ABLIM1: variants seen among roughly 807,000 people sequenced by gnomAD.
ABLIM1 encodes the protein actin binding LIM protein 1, also known as actin-binding LIM protein 1.
ABLIM1 carries 40 observed loss-of-function variants against 107.0 expected under a neutral mutation model. The ratio of observed to expected loss-of-function variants is 0.37; its 90% CI spans 0.29 to 0.49. The LOEUF (loss-of-function observed/expected upper bound fraction) is 0.49, where lower values mean the gene tolerates loss of function less well. Among genes scored for constraint, ABLIM1 ranks in the 20% least tolerant of loss-of-function variants. The probability of loss-of-function intolerance (pLI) is 0.97; values close to 1 mark genes in which losing one functional copy is unlikely to be tolerated. For missense variants in ABLIM1, 857 were observed against 1,008.5 expected (o/e 0.85, Z 2.04); for synonymous variants, 357 against 357.3 (o/e 1.00, Z 0.01).
At chr10:114,790,410 C>T in the ABLIM1 span, among the ~76,000 whole-genome samples, 1 of 151,726 alleles carries the variant, frequency 6.6e-6, no homozygotes, top group African/African-American at 2.4e-5. Flanking sequence ...AATTGTATTT[C>T]CTGTTTACTT....
intron 1 of ABLIM1, among the ~76,000 whole-genome samples, chr10:114,743,050 T>G (rs949566026): frequency 2.6e-5 from 4 of 152,246 alleles, no homozygotes; most frequent in Admixed American, 2.0e-4. Flanking sequence ...GTTTTTGTAA[T>G]TATTACCATT....
At chr10:114,699,619 T>G (rs576127507) in intron 1 of ABLIM1, among the ~76,000 whole-genome samples, 1 of 152,248 alleles carries the variant, frequency 6.6e-6, no homozygotes, top group African/African-American at 2.4e-5. Context: ...AAAATAGCAG[T>G]ATATTATTTA....
At chr10:114,760,064 T>C (rs533530696) in intron 1 of ABLIM1, among the ~76,000 whole-genome samples, 49 of 152,260 alleles carry the variant, frequency 3.2e-4, no homozygotes, top group African/African-American at 1.0e-3. Context: ...GCTCAATAAC[T>C]ATTTGTTAAA....
At chr10:114,711,941 G>T (rs993066674) in intron 1 of ABLIM1, among the ~76,000 whole-genome samples, 5 of 152,184 alleles carry the variant, frequency 3.3e-5, no homozygotes, top group African/African-American at 1.2e-4. Context: ...ATCGGGGTTA[G>T]TCTCTAGGAG....
At chr10:114,743,615 T>A (rs2082328040) in intron 1 of ABLIM1, among the ~76,000 whole-genome samples, 1 of 152,216 alleles carries the variant, frequency 6.6e-6, no homozygotes, top group African/African-American at 2.4e-5. Flanking sequence ...AAAAATCAAA[T>A]CATTCCTCTT....
intron 2 of ABLIM1, among the ~76,000 whole-genome samples, chr10:114,584,885 A>G (rs971129277): frequency 3.9e-5 from 6 of 152,194 alleles, no homozygotes; most frequent in African/African-American, 7.2e-5. Flanking sequence ...TATTAATAAA[A>G]TCTTTGACTG....
intron 1 of ABLIM1, among the ~76,000 whole-genome samples, chr10:114,712,356 A>G (rs1314065870): frequency 2.7e-5 from 3 of 111,202 alleles, no homozygotes; most frequent in African/African-American, 7.0e-5. Context: ...CCGTCTCGAA[A>G]AAAAAAAAAA....
At chr10:114,754,330 C>T (rs1024615364) in intron 1 of ABLIM1, among the ~76,000 whole-genome samples, 5 of 152,220 alleles carry the variant, frequency 3.3e-5, no homozygotes, top group Non-Finnish European at 5.9e-5. Flanking sequence ...TAGATGGCAA[C>T]GTTTCTCCTC....
At chr10:114,560,207 C>T (rs1190524199) in intron 4 of ABLIM1, among the ~76,000 whole-genome samples, 2 of 152,206 alleles carry the variant, frequency 1.3e-5, no homozygotes, top group Non-Finnish European at 1.5e-5. Context: ...ATGTTCATTG[C>T]AGAGCTATTC....
At chr10:114,474,272 A>G (rs1354278088) in intron 8 of ABLIM1, among the ~76,000 whole-genome samples, 4 of 151,858 alleles carry the variant, frequency 2.6e-5, no homozygotes, top group Non-Finnish European at 5.9e-5. Flanking sequence ...TCCCAGCCCC[A>G]GTCACCACCT....
chr10:114,652,078 A>C (rs1245687944), intron 1 of ABLIM1, among the ~76,000 whole-genome samples: 9 of 152,138 alleles, frequency 5.9e-5, no homozygotes, highest in African/African-American at 2.2e-4. Flanking sequence ...TAGCTCAAAC[A>C]CTTCTCTCAA....
chr10:114,612,968 C>A (rs1018000047), intron 1 of ABLIM1, among the ~76,000 whole-genome samples: 2 of 152,124 alleles, frequency 1.3e-5, no homozygotes, highest in Admixed American at 6.6e-5. Context: ...AACCAAAAAC[C>A]AAAGAACTAA....
intron 4 of ABLIM1, among the ~76,000 whole-genome samples, chr10:114,567,068 T>C (rs2070856214): frequency 6.6e-6 from 1 of 152,118 alleles, no homozygotes; most frequent in South Asian, 2.1e-4. Flanking sequence ...AACTGTCTGG[T>C]GGTTTCCATT....
intron 2 of ABLIM1, among the ~76,000 whole-genome samples, chr10:114,595,764 A>G (rs958773096): frequency 3.3e-5 from 5 of 152,216 alleles, no homozygotes; most frequent in African/African-American, 1.2e-4. Flanking sequence ...ACAAATGGGA[A>G]TTAGGTTCTC....
intron 1 of ABLIM1, among the ~76,000 whole-genome samples, chr10:114,725,341 C>T (rs2081933758): frequency 6.6e-6 from 1 of 152,108 alleles, no homozygotes; most frequent in South Asian, 2.1e-4. Flanking sequence ...ATCCTAGAAA[C>T]ACTGAAATAT....
At chr10:114,691,418 G>T (rs1417845481) in intron 1 of ABLIM1, among the ~76,000 whole-genome samples, 1 of 152,186 alleles carries the variant, frequency 6.6e-6, no homozygotes, top group Non-Finnish European at 1.5e-5. Context: ...AGAAGTTGCA[G>T]TGATGGACTT....
intron 4 of ABLIM1, among the ~76,000 whole-genome samples, chr10:114,568,718 G>T (rs1456976869): frequency 2.0e-5 from 3 of 152,190 alleles, no homozygotes. Flanking sequence ...GACCAAAGCA[G>T]TTGCATAGAA....
At chr10:114,439,941 G>A (rs1222632467) in intron 20 of ABLIM1, 141 bp downstream of exon 20, 64 of 1,428,608 alleles carry the variant, frequency 4.5e-5, no homozygotes, top group Non-Finnish European at 5.4e-5. Flanking sequence ...TGCTCTTCAC[G>A]GCTATAGAGT....
At chr10:114,531,814 C>T (rs190818250) in intron 6 of ABLIM1, among the ~76,000 whole-genome samples, 3 of 152,172 alleles carry the variant, frequency 2.0e-5, no homozygotes, top group African/African-American at 4.8e-5. Flanking sequence ...CCGCCCTCCA[C>T]CAGATTATTT....
Sources: allele counts gnomAD v4.1 joint callset (sites outside exome capture counted in the v4.1 genomes callset), GRCh38; gene constraint gnomAD v4.1.1; transcripts MANE v1.5; gene names NCBI Gene and HGNC (gene_info 2026-07-23, HGNC 2026-07-21).